EEF2K: variants seen among roughly 807,000 people sequenced by gnomAD.
The protein encoded by EEF2K is alternative protein EEF2K.
EEF2K carries 70 observed loss-of-function variants against 93.8 expected under a neutral mutation model. That is an observed-to-expected ratio of 0.75 (90% CI 0.62 to 0.91). The LOEUF is 0.91. Among genes scored for constraint, EEF2K ranks in the 40% least tolerant of loss-of-function variants. The pLI is 0.00. For missense variants in EEF2K, 935 were observed against 972.9 expected, an observed-to-expected ratio of 0.96 and a Z score of 0.52; for synonymous variants, 376 against 380.8, an observed-to-expected ratio of 0.99 and a Z score of 0.15.
Position 22,284,066 on chromosome 16 carries a change from C to T in EEF2K, c.*70C>T. On this transcript the variant is annotated 3_prime_UTR_variant, in exon 18 of 18. Transcript: ENST00000263026. ...GGAAAGATTAAAAAAACAACAACAA[C>T]AACTTATTTAGTTTGGGGAGGGGAA... The T allele has an allele frequency of 3.0e-6, 4 of 1,344,030 alleles. No individual in the cohort carries two copies. The South Asian group carries it at 3.9e-5, about 13-fold the overall frequency. The allele number at this position is 1,344,030 out of a possible 1,614,324, so 83.3% of individuals were successfully genotyped here.
chr16:22,260,071 A>G (rs926370962), intron 10 of EEF2K, among the ~76,000 whole-genome samples: 2 of 152,142 alleles, frequency 1.3e-5, no homozygotes, highest in Non-Finnish European at 2.9e-5. Context: ...TTTTGAAGCT[A>G]TCTGAGGCCC....
Position 22,225,644 on chromosome 16 carries a change from T to G in EEF2K, c.-76-10T>G. On this transcript the variant is annotated splice_polypyrimidine_tract_variant and intron_variant, in intron 1 of 17. Transcript: ENST00000263026. ...CAGCACCCACTCTCTGGCCCTTGCT[T>G]TCCTTGTAGGACCTTCGCCTCTGCA... 6.5e-7 allele frequency: 1 copy of G among 1,548,506 alleles called. No homozygotes were observed. The highest frequency in any genetic ancestry group is 8.7e-7 in the Non-Finnish European group (1 of 1,149,002).
chr16:22,226,035 G>A (rs2047060435), intron 2 of EEF2K, 60 bp downstream of exon 2: 1 of 1,587,272 alleles, frequency 6.3e-7, no homozygotes, highest in Non-Finnish European at 8.6e-7. Flanking sequence ...GGGATGGAGG[G>A]TTGGAGTCGC....
chr16:22,214,468 G>A (rs1316365958), intron 1 of EEF2K, among the ~76,000 whole-genome samples: 3 of 151,862 alleles, frequency 2.0e-5, no homozygotes, highest in Non-Finnish European at 4.4e-5. Context: ...AGACCAGCCT[G>A]GGCAATGTAG....
chr16:22,224,822 A>G (rs4783444), intron 1 of EEF2K, among the ~76,000 whole-genome samples: 64,437 of 151,586 alleles, frequency 0.43, 15,559 homozygotes, highest in East Asian at 0.88. Flanking sequence ...TTGTGGTGGT[A>G]GGCACCTGGA....
intron 4 of EEF2K, 147 bp downstream of exon 4, chr16:22,248,962 T>G: frequency 1.2e-6 from 1 of 810,848 alleles, no homozygotes; most frequent in Non-Finnish European, 1.9e-6. Context: ...ATTTATTGGT[T>G]GTAGCCAGCA....
chr16:22,228,354 C>T (rs569312979), intron 2 of EEF2K, among the ~76,000 whole-genome samples: 27 of 151,936 alleles, frequency 1.8e-4, no homozygotes, highest in Non-Finnish European at 3.5e-4. Flanking sequence ...CTGGGCGCGA[C>T]GGCTCACACC....
chr16:22,235,688 G>T (rs1046528772), intron 2 of EEF2K, among the ~76,000 whole-genome samples: 2 of 152,134 alleles, frequency 1.3e-5, no homozygotes, highest in African/African-American at 4.8e-5. Flanking sequence ...AGTGGAGATG[G>T]GGTTTCTCCA....
intron 3 of EEF2K, among the ~76,000 whole-genome samples, chr16:22,245,111 A>T (rs1320262267): frequency 6.6e-6 from 1 of 151,762 alleles, no homozygotes; most frequent in East Asian, 1.9e-4. Flanking sequence ...AAAATACAAA[A>T]ATTAGCCATA....
chr16:22,275,607 T>G (rs943412488), intron 16 of EEF2K, among the ~76,000 whole-genome samples: 2 of 151,860 alleles, frequency 1.3e-5, no homozygotes, highest in Non-Finnish European at 1.5e-5. Context: ...CCTCCCAAAG[T>G]GCTGGAATTA....
At chr16:22,259,735 ATGGT>A (rs1437292778) in intron 10 of EEF2K, among the ~76,000 whole-genome samples, 4 of 151,978 alleles carry the variant, frequency 2.6e-5, no homozygotes, top group South Asian at 4.2e-4. Flanking sequence ...CCACCAGGAG[ATGGT>A]TGGTGTTTTT....
At chr16:22,259,791 C>T (rs2047444412) in intron 10 of EEF2K, among the ~76,000 whole-genome samples, 1 of 151,802 alleles carries the variant, frequency 6.6e-6, no homozygotes, top group Non-Finnish European at 1.5e-5. Context: ...CTCTCTCTGT[C>T]ACCCCGGCTG....
intron 16 of EEF2K, among the ~76,000 whole-genome samples, chr16:22,275,558 G>T (rs1162737292): frequency 1.3e-5 from 2 of 151,992 alleles, no homozygotes; most frequent in African/African-American, 2.4e-5. Flanking sequence ...GGCCAGGCTT[G>T]TCTCGAACTC....
intron 1 of EEF2K, among the ~76,000 whole-genome samples, chr16:22,224,846 G>A (rs569794650): frequency 2.4e-4 from 36 of 152,020 alleles, no homozygotes; most frequent in South Asian, 6.2e-4. Context: ...CCAGCTACGC[G>A]CGAGGCTGAG....
At position 22,266,361 on chromosome 16, in the gene EEF2K, C is replaced by T. The variant is rs375190842; in HGVS notation, c.1441-29C>T. The T allele has an allele frequency of 3.5e-5, 56 of 1,599,596 alleles. No individual in the cohort carries two copies. In the Middle Eastern group the frequency reaches 1.0e-3, roughly 29 times the overall value. On this transcript the variant is annotated intron_variant, in intron 13 of 17. Coordinates refer to ENST00000263026, the MANE Select transcript of EEF2K (RefSeq NM_013302.5). ...GATGCTGCGTCCACCCCCAGCCCCT[C>T]GCTTCCCTGGCCGGTTCTTTCCCTT... is the stretch of plus-strand genomic sequence containing the variant.
In EEF2K at chr16:22,273,612, GT is replaced by G; in HGVS notation, c.1765-11del. 3.7e-6 allele frequency: 6 copies of G among 1,613,620 alleles called. No individual in the cohort carries two copies. Among genetic ancestry groups the G allele is most frequent in the Non-Finnish European group, 5.1e-6 (6 of 1,179,748 alleles). On this transcript the variant is annotated splice_polypyrimidine_tract_variant and intron_variant, in intron 15 of 17. Transcript: ENST00000263026. ...ATTCACTCTTCTTTCTCCCTCTTTG[GT>G]TTGTATCAACAGGAGACAGAAGAGA...
chr16:22,254,868 T>G (rs1237405622), intron 6 of EEF2K, among the ~76,000 whole-genome samples: 1 of 151,998 alleles, frequency 6.6e-6, no homozygotes, highest in Non-Finnish European at 1.5e-5. Context: ...GGTCAGGAGT[T>G]CAAGACCAGC....
chr16:22,248,831 A>G lies in EEF2K; in HGVS notation c.408+16A>G, dbSNP rs2141668184. On this transcript the variant is annotated intron_variant, in intron 4 of 17. Transcript: ENST00000263026. Reference sequence around the variant, plus strand: ...GGCATCTCAGGTGAGCAGAGCGTTGAGCCCCGTGGGGACAGGGCTGAGCAA... The same window carrying G: ...GGCATCTCAGGTGAGCAGAGCGTTGGGCCCCGTGGGGACAGGGCTGAGCAA... The G allele has an allele frequency of 6.2e-7, 1 of 1,613,730 alleles. No homozygotes were observed. Among genetic ancestry groups the G allele is most frequent in the Non-Finnish European group, 8.5e-7 (1 of 1,179,756 alleles).
At chr16:22,267,961 C>T (rs1179649176) in intron 15 of EEF2K, among the ~76,000 whole-genome samples, 1 of 152,128 alleles carries the variant, frequency 6.6e-6, no homozygotes, top group African/African-American at 2.4e-5. Context: ...TGTTCCCATC[C>T]TCCCCATCAC....
Sources: gnomAD v4.1 joint callset for allele counts (sites outside exome capture counted in the v4.1 genomes callset) on GRCh38, gnomAD v4.1.1 for gene constraint, MANE v1.5 for transcripts, NCBI Gene and HGNC (gene_info 2026-07-23, HGNC 2026-07-21) for gene names.